NRXN1: variants seen among roughly 807,000 people sequenced by gnomAD.
NRXN1 encodes the protein neurexin-1.
Under a neutral mutation model 150.9 loss-of-function variants are expected in NRXN1, and 39 were observed. That is an observed-to-expected ratio of 0.26 (90% CI 0.20 to 0.34). The LOEUF (loss-of-function observed/expected upper bound fraction) is 0.34. Ranked by LOEUF, NRXN1 falls within the 10% of genes least tolerant of loss-of-function variation. The pLI, the probability that NRXN1 is intolerant of heterozygous loss-of-function variation, is 1.00. For synonymous variants in NRXN1, 924 were observed against 757.0 expected (o/e 1.22, Z -3.62); for missense variants, 1,815 against 1,949.9 (o/e 0.93, Z 1.30).
rs868412466 is a variant in NRXN1 at position 49,943,902 on chromosome 2, C to G, written c.4129-111G>C. The G allele has an allele frequency of 8.0e-5, 64 of 796,126 alleles. No homozygotes were observed. The Middle Eastern group carries it at 2.8e-3, about 35-fold the overall frequency. The allele number at this position is 796,126 out of a possible 1,614,324, so 49.3% of individuals were successfully genotyped here. A position where few individuals can be genotyped will look rare whatever the true frequency, so the allele number is the denominator to read the frequency against. On this transcript the variant is annotated intron_variant, in intron 21 of 22. Coordinates refer to ENST00000401669, the MANE Select transcript of NRXN1 (RefSeq NM_001330078.2). The stretch of plus-strand genomic sequence containing the variant: ...TTTGTTTATCAAGAAACCAAATTCA[C>G]TATTTCCCTTTCTAAAGACACAGAG...
At chr2:50,002,478 A>C (rs1684109274) in intron 21 of NRXN1, among the ~76,000 whole-genome samples, 1 of 152,132 alleles carries the variant, frequency 6.6e-6, no homozygotes, top group Non-Finnish European at 1.5e-5. Context: ...AATGGCAAGA[A>C]TATTAGGATG....
At chr2:50,636,449 G>A (rs1355250518) in intron 5 of NRXN1, among the ~76,000 whole-genome samples, 2 of 151,934 alleles carry the variant, frequency 1.3e-5, no homozygotes, top group Non-Finnish European at 2.9e-5. Context: ...AAAACTCTAT[G>A]GTTCTATAAC....
intron 18 of NRXN1, among the ~76,000 whole-genome samples, chr2:50,178,605 T>A (rs548660446): frequency 1.3e-5 from 2 of 152,032 alleles, no homozygotes; most frequent in East Asian, 1.9e-4. Context: ...GGAATTTGGA[T>A]TACAAATGGT....
At chr2:50,463,136 C>T (rs1387808303) in intron 17 of NRXN1, among the ~76,000 whole-genome samples, 1 of 151,660 alleles carries the variant, frequency 6.6e-6, no homozygotes, top group Non-Finnish European at 1.5e-5. Context: ...TTTGTTAAAA[C>T]CCCAGGAATC....
At chr2:50,978,309 A>G (rs1208799970) in intron 2 of NRXN1, among the ~76,000 whole-genome samples, 1 of 89,096 alleles carries the variant, frequency 1.1e-5, no homozygotes. Flanking sequence ...TATATATAAA[A>G]TATATATATT....
chr2:50,854,725 G>GT (rs1675017598), intron 5 of NRXN1, among the ~76,000 whole-genome samples: 1 of 152,066 alleles, frequency 6.6e-6, no homozygotes, highest in South Asian at 2.1e-4. Context: ...AGCGGTTTCA[G>GT]TAAGTGGTAT....
chr2:50,443,810 C>G (rs2086172467), intron 17 of NRXN1, among the ~76,000 whole-genome samples: 2 of 152,118 alleles, frequency 1.3e-5, no homozygotes, highest in African/African-American at 4.8e-5. Context: ...ACATGTAAAA[C>G]CTTCCAGACT....
chr2:50,335,182 T>C (rs1302861776), intron 17 of NRXN1, among the ~76,000 whole-genome samples: 1 of 152,218 alleles, frequency 6.6e-6, no homozygotes, highest in Non-Finnish European at 1.5e-5. Flanking sequence ...AAAACACTCA[T>C]TTATTTTAAG....
At chr2:50,051,796 T>C (rs969988868) in intron 21 of NRXN1, among the ~76,000 whole-genome samples, 2 of 152,074 alleles carry the variant, frequency 1.3e-5, no homozygotes, top group African/African-American at 4.8e-5. Flanking sequence ...TACCAATATA[T>C]CCTCATGCCT....
chr2:50,338,411 C>T (rs1193818720), intron 17 of NRXN1, among the ~76,000 whole-genome samples: 4 of 152,190 alleles, frequency 2.6e-5, no homozygotes, highest in African/African-American at 9.6e-5. Context: ...AATAAGCTAT[C>T]AAATGGTGCC....
intron 17 of NRXN1, among the ~76,000 whole-genome samples, chr2:50,272,178 G>C (rs556090468): frequency 6.6e-6 from 1 of 152,108 alleles, no homozygotes; most frequent in African/African-American, 2.4e-5. Flanking sequence ...GCAATGTGGC[G>C]GAGAAAACGT....
intron 8 of NRXN1, among the ~76,000 whole-genome samples, chr2:50,570,819 T>G (rs1670559680): frequency 6.6e-6 from 1 of 152,108 alleles, no homozygotes; most frequent in Admixed American, 6.6e-5. Flanking sequence ...CTACAGACTG[T>G]AGGATATGAT....
At position 50,542,600 on chromosome 2, in the gene NRXN1, T is replaced by G. The variant is rs149326967; in HGVS notation, c.1760-3964A>C. ...TCTTTGTAAAAGAGATGGCAAATAA[T>G]CAGAAAGTAAAGAATTTAGTTCAAG... On this transcript the variant is annotated intron_variant, in intron 9 of 22. Transcript: ENST00000401669. 4.8e-3 allele frequency among the ~76,000 whole-genome samples: 727 copies of G among 152,282 alleles called. 1 individual carries two copies. The highest frequency in any genetic ancestry group is 6.1e-3 in the Non-Finnish European group (415 of 68,014).
chr2:50,992,176 T>G (rs941169897), intron 2 of NRXN1, among the ~76,000 whole-genome samples: 5 of 152,036 alleles, frequency 3.3e-5, no homozygotes, highest in African/African-American at 1.2e-4. Context: ...CAGTTCTAAC[T>G]AGCTAACAGA....
At chr2:50,914,519 CTG>C (rs1311754192) in intron 5 of NRXN1, among the ~76,000 whole-genome samples, 1 of 151,470 alleles carries the variant, frequency 6.6e-6, no homozygotes, top group Non-Finnish European at 1.5e-5. Flanking sequence ...TCATTTAAGA[CTG>C]AGATAATTAG....
chr2:50,258,234 A>G (rs1329433955), intron 17 of NRXN1, among the ~76,000 whole-genome samples: 2 of 152,080 alleles, frequency 1.3e-5, no homozygotes, highest in Non-Finnish European at 2.9e-5. Flanking sequence ...ATAGCATTTT[A>G]ACCACAATAG....
At chr2:50,706,551 A>G (rs1300060033) in intron 5 of NRXN1, among the ~76,000 whole-genome samples, 1 of 152,132 alleles carries the variant, frequency 6.6e-6, no homozygotes, top group Admixed American at 6.6e-5. Flanking sequence ...TTCAAGATGA[A>G]CATTGGCTTT....
chr2:50,350,981 A>C (rs767850096), intron 17 of NRXN1, among the ~76,000 whole-genome samples: 12 of 152,166 alleles, frequency 7.9e-5, no homozygotes, highest in Non-Finnish European at 1.6e-4. Context: ...GTTATAAATG[A>C]TTGTAATTTT....
intron 5 of NRXN1, among the ~76,000 whole-genome samples, chr2:50,802,294 T>C (rs1043060851): frequency 3.3e-5 from 5 of 151,970 alleles, no homozygotes; most frequent in Non-Finnish European, 7.4e-5. Flanking sequence ...GAGTTTAAGA[T>C]CAGCCTAGCA....
Sources: allele counts gnomAD v4.1 joint callset (sites outside exome capture counted in the v4.1 genomes callset), GRCh38; gene constraint gnomAD v4.1.1; transcripts MANE v1.5; gene names NCBI Gene and HGNC (gene_info 2026-07-23, HGNC 2026-07-21).